The following ELAVL1 variants were observed in gnomAD, a reference collection of about 807,000 sequenced individuals.
ELAVL1 encodes the protein ELAV like RNA binding protein 1.
A neutral mutation model predicts 28.4 loss-of-function variants in ELAVL1; 1 was observed. That is an observed-to-expected ratio of 0.04 (90% CI 0.01 to 0.17). The LOEUF (loss-of-function observed/expected upper bound fraction) is 0.17, where lower values mean the gene tolerates loss of function less well. Ranked by LOEUF, ELAVL1 falls within the 10% of genes least tolerant of loss-of-function variation. The pLI, the probability that ELAVL1 is intolerant of heterozygous loss-of-function variation, is 1.00. For synonymous variants in ELAVL1, 174 were observed against 183.5 expected (o/e 0.95, Z 0.42); for missense variants, 157 against 447.2 (o/e 0.35, Z 5.85).
At chr19:7,971,387 AGAG>A (rs1985107464) in intron 4 of ELAVL1, among the ~76,000 whole-genome samples, 1 of 152,200 alleles carries the variant, frequency 6.6e-6, no homozygotes, top group African/African-American at 2.4e-5. Flanking sequence ...TGTGGGGTCT[AGAG>A]GAGGAGGGGA....
intron 4 of ELAVL1, among the ~76,000 whole-genome samples, chr19:7,969,013 C>T (rs1022005252): frequency 2.0e-5 from 3 of 152,124 alleles, no homozygotes; most frequent in Admixed American, 1.3e-4. Context: ...GCGGGAGTCA[C>T]GGGTGTGTCC....
chr19:7,989,774 A>G (rs1985703235), intron 2 of ELAVL1, among the ~76,000 whole-genome samples: 1 of 152,194 alleles, frequency 6.6e-6, no homozygotes, highest in Non-Finnish European at 1.5e-5. Flanking sequence ...TAAAATCCCC[A>G]TTGAGAAGGC....
chr19:7,980,397 C>T (rs185068727), intron 3 of ELAVL1, among the ~76,000 whole-genome samples: 190 of 152,242 alleles, frequency 1.2e-3, no homozygotes, highest in African/African-American at 4.2e-3. Context: ...AAGGCAGACA[C>T]GTGGGGACGG....
intron 1 of ELAVL1, chr19:8,002,193 CCT>C: frequency 8.3e-7 from 1 of 1,201,208 alleles, no homozygotes; most frequent in Non-Finnish European, 1.1e-6. Flanking sequence ...GATGTTCCCA[CCT>C]CCGGGCTTGG....
rs767175101 is a variant in ELAVL1 at position 7,973,741 on chromosome 19, G to T, written c.414C>A (p.Leu138=). The part of the protein sequence containing the change: ...RFGRIINSRV[L]VDQTTGLSRG... ...CTCTGGTACCTGTAGTCTGATCCAC[G>T]AGGACCCGCGAGTTGATGATCCGCC... The change falls in exon 4 of 6, where the codon CTC becomes CTA. Residue 138 remains leucine (L), a synonymous_variant. Transcript: ENST00000407627. 1.2e-6 allele frequency: 2 copies of T among 1,613,990 alleles called. No individual in the cohort carries two copies. Among genetic ancestry groups the T allele is most frequent in the South Asian group, 2.2e-5 (2 of 91,074 alleles).
chr19:7,990,185 G>A (rs1188313588), intron 2 of ELAVL1, among the ~76,000 whole-genome samples: 7 of 152,108 alleles, frequency 4.6e-5, no homozygotes, highest in Admixed American at 4.6e-4. Context: ...ACCACGCCTG[G>A]CTAATTTTTG....
intron 1 of ELAVL1, among the ~76,000 whole-genome samples, chr19:7,994,550 C>T (rs551786716): frequency 1.3e-5 from 2 of 152,212 alleles, no homozygotes; most frequent in East Asian, 3.9e-4. Context: ...GCTCGTAAGT[C>T]CAGAAAAAGA....
At chr19:7,990,386 G>A (rs562704715) in intron 2 of ELAVL1, among the ~76,000 whole-genome samples, 1 of 148,340 alleles carries the variant, frequency 6.7e-6, no homozygotes, top group Admixed American at 6.8e-5. Context: ...CCAGGCTAAA[G>A]TGTAGAAGAC....
At chr19:7,973,981 A>T in intron 3 of ELAVL1, 103 bp from the exon 4 acceptor site, 1 of 1,421,110 alleles carries the variant, frequency 7.0e-7, no homozygotes, top group Non-Finnish European at 9.6e-7. Flanking sequence ...TGTGTGTTAG[A>T]AATCATGCAG....
rs77031890 is a variant in ELAVL1 at position 7,983,356 on chromosome 19, T to A, written c.173-2170A>T. Among the ~76,000 whole-genome samples the A allele has an allele frequency of 6.8e-3, 1,032 of 152,240 alleles. 6 individuals carry two copies. Among genetic ancestry groups the A allele is most frequent in the Non-Finnish European group, 0.011 (742 of 67,996 alleles). ...TCAGGACTGCCAGGGCCTCTGCAAG[T>A]GCTCCAGATGGCAGTGTGAAACTGG... On this transcript the variant is annotated intron_variant, in intron 2 of 5. Coordinates refer to ENST00000407627, the MANE Select transcript of ELAVL1 (RefSeq NM_001419.3).
Position 7,963,419 on chromosome 19 carries a change from C to G in ELAVL1, c.*64G>C. 1 of 1,533,338 alleles carries G rather than the reference C, an allele frequency of 6.5e-7. No homozygotes were observed. Among genetic ancestry groups the G allele is most frequent in the South Asian group, 1.3e-5 (1 of 77,190 alleles). 95.0% of individuals were successfully genotyped at this position (1,533,338 alleles called of 1,614,324 possible). ...TGGCGCAAAATGAGTTGTACACTAA[C>G]AAGAAAAGTTTCAACTCCTTCACTC... On this transcript the variant is annotated 3_prime_UTR_variant, in exon 6 of 6. Coordinates refer to ENST00000407627, the MANE Select transcript of ELAVL1 (RefSeq NM_001419.3). The surrounding 1 kb of genome is among the most constrained non-coding windows in gnomAD (Gnocchi z 4.5).
chr19:7,980,141 G>A (rs1985414902), intron 3 of ELAVL1, among the ~76,000 whole-genome samples: 1 of 152,192 alleles, frequency 6.6e-6, no homozygotes, highest in African/African-American at 2.4e-5. Flanking sequence ...AATGGCCTTG[G>A]AGCAAGAGAG....
chr19:7,969,048 G>T (rs1985032972), intron 4 of ELAVL1, among the ~76,000 whole-genome samples: 1 of 152,198 alleles, frequency 6.6e-6, no homozygotes, highest in African/African-American at 2.4e-5. Context: ...GTCACAGACA[G>T]CCCAACCCAA....
chr19:7,985,971 G>A (rs1568313623), intron 2 of ELAVL1, among the ~76,000 whole-genome samples: 1 of 152,236 alleles, frequency 6.6e-6, no homozygotes, highest in African/African-American at 2.4e-5. Flanking sequence ...AGCTGCCTCT[G>A]CGGGGAGCAC....
At chr19:7,968,060 A>G (rs1490585218) in intron 4 of ELAVL1, among the ~76,000 whole-genome samples, 1 of 152,220 alleles carries the variant, frequency 6.6e-6, no homozygotes, top group Non-Finnish European at 1.5e-5. Flanking sequence ...AGACATCCCC[A>G]ATAGACACCC....
At position 7,981,058 on chromosome 19, in the gene ELAVL1, T is replaced by G; in HGVS notation, c.276+25A>C. Reference sequence around the variant, plus strand: ...GACCTGTGCCCAGGGCAGGAATGGATGCGGTGGTGATCAGATCCCTTTACC... The same window carrying G: ...GACCTGTGCCCAGGGCAGGAATGGAGGCGGTGGTGATCAGATCCCTTTACC... On this transcript the variant is annotated intron_variant, in intron 3 of 5. Transcript: ENST00000407627. The surrounding 1 kb of genome is among the most constrained non-coding windows in gnomAD (Gnocchi z 4.2). The G allele has an allele frequency of 6.2e-7, 1 of 1,610,334 alleles. No homozygotes were observed. Among genetic ancestry groups the G allele is most frequent in the Non-Finnish European group, 8.5e-7 (1 of 1,176,854 alleles).
chr19:7,999,138 C>T (rs1370937443), intron 1 of ELAVL1, among the ~76,000 whole-genome samples: 5 of 152,160 alleles, frequency 3.3e-5, no homozygotes, highest in African/African-American at 7.2e-5. Flanking sequence ...TGTGGGAGGC[C>T]GAGGTAGGCG....
Position 7,961,233 on chromosome 19 carries a change from T to TAG in ELAVL1, c.*2249_*2250insCT, listed in dbSNP as rs1181146566. ...ACAGTTGAAGCTTAAGACAGAGTTC[T>TAG]CTGTTGAATGCTAGCTATGGGCATG... On this transcript the variant is annotated 3_prime_UTR_variant, in exon 6 of 6. Transcript: ENST00000407627. 21 of 152,392 alleles carry TAG rather than the reference T, an allele frequency of 1.4e-4. No individual in the cohort carries two copies. The highest frequency in any genetic ancestry group is 4.8e-4 in the African/African-American group (20 of 41,588). 9.4% of individuals were successfully genotyped at this position (152,392 alleles called of 1,614,324 possible).
At position 7,981,751 on chromosome 19, in the gene ELAVL1, C is replaced by T. The variant is rs1384385455; in HGVS notation, c.173-565G>A. On this transcript the variant is annotated intron_variant, in intron 2 of 5. Transcript: ENST00000407627. This position sits in a 1 kb window ranked among gnomAD's most constrained non-coding sequence, Gnocchi z 4.2. ...TTTTTTAAAAATACTGTGCTACGGA[C>T]AGCATCTTTCTGAAAGACCAGTCCC... 6.6e-6 allele frequency among the ~76,000 whole-genome samples: 1 copy of T among 152,226 alleles called. No individual in the cohort carries two copies. Among genetic ancestry groups the T allele is most frequent in the East Asian group, 1.9e-4 (1 of 5,200 alleles).
Sources: gnomAD v4.1 joint callset for allele counts (sites outside exome capture counted in the v4.1 genomes callset) on GRCh38, gnomAD v4.1.1 for gene constraint, Gnocchi (gnomAD v3.1) non-coding constraint, MANE v1.5 for transcripts, NCBI Gene and HGNC (gene_info 2026-07-23, HGNC 2026-07-21) for gene names.